The following AGA variants were observed in gnomAD, a reference collection of about 807,000 sequenced individuals.
AGA encodes the protein N(4)-(beta-N-acetylglucosaminyl)-L-asparaginase.
Under a neutral mutation model 40.1 loss-of-function variants are expected in AGA, and 31 were observed. The observed-to-expected ratio is 0.77, with a 90% confidence interval of 0.58 to 1.04. The LOEUF is 1.04. AGA is among the 50% of genes least tolerant of loss of function. AGA has a pLI of 0.00. For synonymous variants in AGA, 148 were observed against 144.0 expected (o/e 1.03, Z -0.20); for missense variants, 445 against 435.4 (o/e 1.02, Z -0.20).
At chr4:177,433,413 G>C (rs963029289) in intron 7 of AGA, 66 bp from the exon 8 acceptor site, 3 of 1,602,382 alleles carry the variant, frequency 1.9e-6, no homozygotes, top group Non-Finnish European at 2.6e-6. Context: ...TGGGTTACTT[G>C]AAGTTAGAAA....
intron 7 of AGA, among the ~76,000 whole-genome samples, chr4:177,434,056 C>T (rs767999598): frequency 4.2e-4 from 64 of 152,108 alleles, no homozygotes; most frequent in Non-Finnish European, 2.4e-4. Context: ...TGCAGTGGCG[C>T]GATCTTGGTT....
At chr4:177,438,694 T>C in intron 4 of AGA, 51 bp downstream of exon 4, 2 of 1,232,868 alleles carry the variant, frequency 1.6e-6, no homozygotes, top group Non-Finnish European at 2.4e-6. Context: ...AGAAAGGATG[T>C]CACTGAATAT....
chr4:177,433,034 T>C (rs1019729671), intron 8 of AGA, among the ~76,000 whole-genome samples, 180 bp downstream of exon 8: 1 of 152,160 alleles, frequency 6.6e-6, no homozygotes, highest in Non-Finnish European at 1.5e-5. Context: ...CCAAAGAGGC[T>C]TTTAGGTATA....
At chr4:177,442,180 G>A (rs988934929) in intron 1 of AGA, 69 bp downstream of exon 1, 4 of 1,597,592 alleles carry the variant, frequency 2.5e-6, no homozygotes, top group African/African-American at 2.7e-5. Flanking sequence ...GACTGCAGCG[G>A]GGCGGGCTAG....
chr4:177,442,148 T>C (rs573892037), intron 1 of AGA, 101 bp downstream of exon 1: 7 of 1,542,178 alleles, frequency 4.5e-6, no homozygotes, highest in South Asian at 1.2e-5. Flanking sequence ...AGCCCGGCGC[T>C]CTTCCGTCCG....
chr4:177,433,784 T>C (rs745853655), intron 7 of AGA, among the ~76,000 whole-genome samples: 14 of 152,194 alleles, frequency 9.2e-5, no homozygotes, highest in Admixed American at 2.0e-4. Flanking sequence ...ACAGCTCCTT[T>C]ACTCAGTAGC....
chr4:177,440,278 C>T lies in AGA; in HGVS notation c.276G>A (p.Met92Ile), dbSNP rs150912713. ...LGETTLDAMI[M>I]DGTTMDVGAV... ...GACCTGAACGGTGTTCTTACCCATC[C>T]ATGATCATGGCATCTAGTGTGGTTT... The change falls in exon 2 of 9, where the codon ATG becomes ATA. Residue 92 changes from methionine to isoleucine, a missense_variant. Coordinates refer to ENST00000264595, the MANE Select transcript of AGA (RefSeq NM_000027.4). 714 of 1,613,906 alleles carry T rather than the reference C, an allele frequency of 4.4e-4. No homozygotes were observed. Among genetic ancestry groups the T allele is most frequent in the Non-Finnish European group, 5.7e-4 (667 of 1,179,994 alleles).
At position 177,435,943 on chromosome 4, in the gene AGA, AACACACACACACATAT is replaced by A. The variant is rs141229248; in HGVS notation, c.698+317_698+332del. On this transcript the variant is annotated intron_variant, in intron 6 of 8. Transcript: ENST00000264595. The stretch of plus-strand genomic sequence containing the variant: ...TACACACACCCCAGTGGGAGCCCTG[AACACACACACACATAT>A]ACACACACAACTTTCCTAGCCAGTA... Among the ~76,000 whole-genome samples, 546 of 151,958 alleles carry A rather than the reference AACACACACACACATAT, an allele frequency of 3.6e-3. 2 individuals are homozygous for A. The highest frequency in any genetic ancestry group is 0.012 in the African/African-American group (503 of 41,456).
chr4:177,439,433 G>A (rs1736922313), intron 3 of AGA, 143 bp downstream of exon 3: 3 of 724,508 alleles, frequency 4.1e-6, no homozygotes, highest in Non-Finnish European at 7.5e-6. Context: ...AGATTTAAAA[G>A]TTACTTATCC....
At position 177,431,771 on chromosome 4, in the gene AGA, A is replaced by G. The variant is rs373878347; in HGVS notation, c.978T>C (p.Phe326=). The G allele has an allele frequency of 2.7e-5, 44 of 1,613,830 alleles. No individual in the cohort carries two copies. The East Asian group carries it at 9.4e-4, about 34-fold the overall frequency. Residue 326 remains phenylalanine, a synonymous_variant, in exon 9 of 9, where the codon TTT becomes TTC. Coordinates refer to ENST00000264595, the MANE Select transcript of AGA (RefSeq NM_000027.4). ...TTTCGGAATTATAAACCATGAAACT[A>G]AACTGAGTAAATGTTGAAAGTTTAT... ...ACNKLSTFTQ[F]SFMVYNSEKN...
At position 177,433,260 on chromosome 4, in the gene AGA, T is replaced by C. The variant is rs760082787; in HGVS notation, c.894A>G (p.Pro298=). ...CACATATAACAGCCCCAAAGAATTCTGGAAAATGCTTCTGGATTCTTGAAA... is the reference window on the plus strand; with the variant it reads ...CACATATAACAGCCCCAAAGAATTCCGGAAAATGCTTCTGGATTCTTGAAA... ...KVISRIQKHF[P]EFFGAVICAN... Residue 298 remains proline (P), a synonymous_variant, in exon 8 of 9, where the codon CCA becomes CCG. Transcript: ENST00000264595. 6.8e-6 allele frequency: 11 copies of C among 1,614,024 alleles called. No homozygotes were observed. In the South Asian group the frequency reaches 1.2e-4, roughly 18 times the overall value.
chr4:177,441,070 G>A (rs1027181281), intron 1 of AGA, among the ~76,000 whole-genome samples: 1 of 152,130 alleles, frequency 6.6e-6, no homozygotes, highest in African/African-American at 2.4e-5. Context: ...CATACATTTG[G>A]GGGTGTGGGG....
At chr4:177,437,066 AAACT>A in intron 5 of AGA, 1 of 308,366 alleles carries the variant, frequency 3.2e-6, no homozygotes, top group South Asian at 3.1e-5. Flanking sequence ...AGCGAAAAAC[AAACT>A]AAGACATAGA....
chr4:177,442,035 AACAGCG>A (rs1737036181), intron 1 of AGA, among the ~76,000 whole-genome samples: 2 of 152,234 alleles, frequency 1.3e-5, no homozygotes, highest in Admixed American at 6.5e-5. Context: ...CCTAAAATGC[AACAGCG>A]GTAGGTGGGG....
rs1736647552 is a variant in AGA, at chr4:177,431,904, T to C, written c.941-96A>G. On this transcript the variant is annotated intron_variant, in intron 8 of 8. Transcript: ENST00000264595. ...GCTTATTTGACTAGACACTGGCTACTGTATACCTTATGTCTAAGCCACATG... is the reference window on the plus strand; with the variant it reads ...GCTTATTTGACTAGACACTGGCTACCGTATACCTTATGTCTAAGCCACATG... The C allele has an allele frequency of 3.0e-6, 3 of 984,174 alleles. No homozygotes were observed. The Admixed American group carries it at 5.9e-5, about 19-fold the overall frequency. The allele number at this position is 984,174 out of a possible 1,614,324, so 61.0% of individuals were successfully genotyped here.
intron 5 of AGA, chr4:177,437,006 A>G: frequency 4.1e-6 from 1 of 245,454 alleles, no homozygotes; most frequent in Non-Finnish European, 7.9e-6. Context: ...ACTGTGAGGC[A>G]AATAAACTTT....
In AGA at chr4:177,431,322, C is replaced by CTT. The variant is rs1173207292; in HGVS notation, c.*384_*385dup. The CTT allele has an allele frequency of 2.2e-6, 1 of 447,670 alleles. No individual in the cohort carries two copies. Among genetic ancestry groups the CTT allele is most frequent in the Non-Finnish European group, 4.4e-6 (1 of 225,742 alleles). 27.7% of individuals were successfully genotyped at this position (447,670 alleles called of 1,614,324 possible). On this transcript the variant is annotated 3_prime_UTR_variant, in exon 9 of 9. Transcript: ENST00000264595. ...CATGCTGAGACTCTGCTGTTTTTTT[C>CTT]TTTGGGTCTAAAAAACTTGTATACT...
At chr4:177,434,057 G>A (rs186655373) in intron 7 of AGA, among the ~76,000 whole-genome samples, 297 of 152,184 alleles carry the variant, frequency 2.0e-3, no homozygotes, top group African/African-American at 6.6e-3. Flanking sequence ...GCAGTGGCGC[G>A]ATCTTGGTTC....
intron 1 of AGA, among the ~76,000 whole-genome samples, chr4:177,441,939 G>A (rs1245706766): frequency 6.6e-6 from 1 of 152,222 alleles, no homozygotes; most frequent in Non-Finnish European, 1.5e-5. Flanking sequence ...AAGCGTAGCT[G>A]CTACTTGATT....
Sources: gnomAD v4.1 joint callset for allele counts (sites outside exome capture counted in the v4.1 genomes callset) on GRCh38, gnomAD v4.1.1 for gene constraint, MANE v1.5 for transcripts, NCBI Gene and HGNC (gene_info 2026-07-23, HGNC 2026-07-21) for gene names.